SUSD1: variants seen among roughly 807,000 people sequenced by gnomAD.
SUSD1 encodes the protein sushi domain-containing protein 1.
A neutral mutation model predicts 86.9 loss-of-function variants in SUSD1; 65 were observed. That is an observed-to-expected ratio of 0.75 (90% CI 0.61 to 0.92). The LOEUF is 0.92. Among genes scored for constraint, SUSD1 ranks in the 40% least tolerant of loss-of-function variants. The probability of loss-of-function intolerance (pLI) is 0.00; values close to 1 mark genes in which losing one functional copy is unlikely to be tolerated. For missense variants in SUSD1, 850 were observed against 929.7 expected, an observed-to-expected ratio of 0.91 and a Z score of 1.11; for synonymous variants, 346 against 350.0, an observed-to-expected ratio of 0.99 and a Z score of 0.13.
intron 5 of SUSD1, among the ~76,000 whole-genome samples, chr9:112,131,872 T>G (rs1832050150): frequency 6.6e-6 from 1 of 152,238 alleles, no homozygotes; most frequent in South Asian, 2.1e-4. Context: ...GAATTTTCCC[T>G]TACTTTCCCA....
At chr9:112,084,001 T>C (rs763591574) in intron 10 of SUSD1, among the ~76,000 whole-genome samples, 1 of 152,238 alleles carries the variant, frequency 6.6e-6, no homozygotes. Flanking sequence ...GCACCACTAG[T>C]GTCCGTAACT....
At chr9:112,151,280 A>G (rs7047973) in intron 2 of SUSD1, among the ~76,000 whole-genome samples, 5,593 of 152,218 alleles carry the variant, frequency 0.037, 357 homozygotes, top group African/African-American at 0.13. Context: ...CACTGTACAC[A>G]TAGGCTACAC....
intron 12 of SUSD1, among the ~76,000 whole-genome samples, chr9:112,075,672 G>A (rs1202421306): frequency 6.6e-6 from 1 of 152,186 alleles, no homozygotes; most frequent in Non-Finnish European, 1.5e-5. Flanking sequence ...TACAGCCCAG[G>A]GGCTCAAGGC....
rs529470594 is a variant in SUSD1 at position 112,142,961 on chromosome 9, C to CTTTTTTTTTTTTTTTTT, written c.527-479_527-463dup. ...AATCCTTTAAGTTTATGAATTTTAG[C>CTTTTTTTTTTTTTTTTT]TTTTTTTTTTTTTTTTTTTTTTTTT... is the stretch of plus-strand genomic sequence containing the variant. On this transcript the variant is annotated intron_variant, in intron 4 of 16. Coordinates refer to ENST00000374270, the MANE Select transcript of SUSD1 (RefSeq NM_022486.5). 6.6e-5 allele frequency among the ~76,000 whole-genome samples: 2 copies of CTTTTTTTTTTTTTTTTT among 30,216 alleles called. 1 individual carries two copies. Among genetic ancestry groups the CTTTTTTTTTTTTTTTTT allele is most frequent in the African/African-American group, 1.9e-4 (2 of 10,600 alleles). 19.8% of individuals were successfully genotyped at this position (30,216 alleles called of 152,430 possible).
At chr9:112,071,023 C>T (rs185186709) in intron 12 of SUSD1, among the ~76,000 whole-genome samples, 73 of 152,228 alleles carry the variant, frequency 4.8e-4, no homozygotes, top group Middle Eastern at 3.4e-3. Context: ...CTCACTGTGT[C>T]GCCCAGGCTG....
chr9:112,161,820 CAA>C (rs11354546), intron 1 of SUSD1, among the ~76,000 whole-genome samples: 8,871 of 119,510 alleles, frequency 0.074, 551 homozygotes, highest in African/African-American at 0.18. Flanking sequence ...AGACTCCATC[CAA>C]AAAAAAAAAA....
At chr9:112,148,893 G>A (rs1832920943) in intron 3 of SUSD1, among the ~76,000 whole-genome samples, 1 of 145,726 alleles carries the variant, frequency 6.9e-6, no homozygotes, top group Non-Finnish European at 1.5e-5. Context: ...GCAACAGAGT[G>A]AGACCCCCCC....
intron 12 of SUSD1, among the ~76,000 whole-genome samples, chr9:112,066,717 C>A (rs775780735): frequency 2.3e-4 from 35 of 152,222 alleles, no homozygotes; most frequent in Non-Finnish European, 4.0e-4. Context: ...CTGTGGAGAG[C>A]GGCCCTTCTC....
chr9:112,134,291 T>C (rs1292691646), intron 5 of SUSD1, among the ~76,000 whole-genome samples: 1 of 152,100 alleles, frequency 6.6e-6, no homozygotes, highest in African/African-American at 2.4e-5. Context: ...CTATTCACAA[T>C]AGCAAAGACA....
chr9:112,109,307 A>T (rs910836390), intron 8 of SUSD1, among the ~76,000 whole-genome samples: 1 of 152,250 alleles, frequency 6.6e-6, no homozygotes, highest in Non-Finnish European at 1.5e-5. Context: ...AAAACAATGG[A>T]AAACTTCCCA....
intron 12 of SUSD1, among the ~76,000 whole-genome samples, chr9:112,066,536 T>A (rs560679392): frequency 3.3e-5 from 5 of 152,230 alleles, no homozygotes; most frequent in African/African-American, 9.6e-5. Context: ...TTCTGCTGAA[T>A]GAACGGGGCT....
chr9:112,041,152 C>T lies in SUSD1; in HGVS notation c.*340G>A. ...CAGTCAATGTCTAGAGGAGCTGACC[C>T]TCAGGCATCACTCAGAGGAAGTCCC... On this transcript the variant is annotated 3_prime_UTR_variant, in exon 17 of 17. Transcript: ENST00000374270. 1 of 477,436 alleles carries T rather than the reference C, an allele frequency of 2.1e-6. No homozygotes were observed. Among genetic ancestry groups the T allele is most frequent in the Non-Finnish European group, 3.8e-6 (1 of 266,274 alleles). 29.6% of individuals were successfully genotyped at this position (477,436 alleles called of 1,614,324 possible).
chr9:112,145,599 T>C (rs780243624), intron 3 of SUSD1, among the ~76,000 whole-genome samples: 101 of 152,322 alleles, frequency 6.6e-4, no homozygotes, highest in Non-Finnish European at 9.8e-4. Context: ...TTTTCTTAAA[T>C]GACATTTTAG....
chr9:112,137,592 A>C (rs1832321046), intron 5 of SUSD1, among the ~76,000 whole-genome samples: 1 of 152,210 alleles, frequency 6.6e-6, no homozygotes, highest in Non-Finnish European at 1.5e-5. Flanking sequence ...TATCTTTAGA[A>C]ATTCTTAACC....
intron 14 of SUSD1, among the ~76,000 whole-genome samples, chr9:112,054,401 A>G (rs1292698801): frequency 6.6e-6 from 1 of 152,124 alleles, no homozygotes; most frequent in African/African-American, 2.4e-5. Flanking sequence ...CCTGGGCAAC[A>G]CAGGGAGACC....
chr9:112,058,314 G>A lies in SUSD1; in HGVS notation c.2109+114C>T, dbSNP rs148836573. On this transcript the variant is annotated intron_variant, in intron 14 of 16. Transcript: ENST00000374270. ...AAGGCAAAGTATTCACAAACATTTT[G>A]TGATTGTTACATGCAGTGACCCTCT... 245 of 1,329,820 alleles carry A rather than the reference G, an allele frequency of 1.8e-4. 1 individual carries two copies. In the African/African-American group the frequency reaches 3.3e-3, roughly 18 times the overall value. The allele number at this position is 1,329,820 out of a possible 1,614,324, so 82.4% of individuals were successfully genotyped here.
Position 112,041,880 on chromosome 9 carries a change from A to C in SUSD1, c.2230T>G (p.Phe744Val). 6.2e-7 allele frequency: 1 copy of C among 1,613,870 alleles called. No homozygotes were observed. Among genetic ancestry groups the C allele is most frequent in the Non-Finnish European group, 8.5e-7 (1 of 1,179,848 alleles). Reference sequence around the variant, plus strand: ...ACCCTCACATACCACACCGCTGAGAAGGAGAGGAATGTGAGAATGATCACA... The same window carrying C: ...ACCCTCACATACCACACCGCTGAGACGGAGAGGAATGTGAGAATGATCACA... ...AVVIILTFLS[F>V]SAV The change falls in exon 16 of 17, where the codon TTC becomes GTC. Residue 744 changes from phenylalanine to valine, a missense_variant. Transcript: ENST00000374270.
chr9:112,066,598 G>A (rs1203164643), intron 12 of SUSD1, among the ~76,000 whole-genome samples: 1 of 152,240 alleles, frequency 6.6e-6, no homozygotes, highest in Non-Finnish European at 1.5e-5. Context: ...CCCTGTAATC[G>A]CGAAACTCCC....
intron 5 of SUSD1, among the ~76,000 whole-genome samples, chr9:112,138,463 C>CTTTTT (rs1320715477): frequency 7.2e-6 from 1 of 139,248 alleles, no homozygotes. Flanking sequence ...AATAAATATT[C>CTTTTT]TTTTTTTTTT....
Sources: gnomAD v4.1 joint callset for allele counts (sites outside exome capture counted in the v4.1 genomes callset) on GRCh38, gnomAD v4.1.1 for gene constraint, MANE v1.5 for transcripts, NCBI Gene and HGNC (gene_info 2026-07-23, HGNC 2026-07-21) for gene names.